ARHGAP24: variants seen among roughly 807,000 people sequenced by gnomAD.
ARHGAP24 encodes the protein Rho GTPase activating protein 24.
ARHGAP24 carries 50 observed loss-of-function variants against 76.4 expected under a neutral mutation model. The ratio of observed to expected loss-of-function variants is 0.65; its 90% CI spans 0.52 to 0.83. ARHGAP24 has a LOEUF of 0.83. Ranked by LOEUF, ARHGAP24 falls within the 40% of genes least tolerant of loss-of-function variation. ARHGAP24 has a pLI of 0.00. For missense variants in ARHGAP24, 930 were observed against 914.2 expected (o/e 1.02, Z -0.22); for synonymous variants, 345 against 323.3 (o/e 1.07, Z -0.72).
chr4:85,665,150 A>G (rs972156357), intron 2 of ARHGAP24, among the ~76,000 whole-genome samples: 1 of 151,346 alleles, frequency 6.6e-6, no homozygotes, highest in Non-Finnish European at 1.5e-5. Context: ...TGGGAGTCTA[A>G]GTTTCTTTGT....
chr4:85,786,358 C>T (rs1034654535), intron 3 of ARHGAP24, among the ~76,000 whole-genome samples: 1 of 152,178 alleles, frequency 6.6e-6, no homozygotes, highest in African/African-American at 2.4e-5. Flanking sequence ...GCAGGAATAA[C>T]ATCTTAGAAA....
chr4:85,512,194 T>C (rs1724313298), intron 1 of ARHGAP24, among the ~76,000 whole-genome samples: 1 of 152,236 alleles, frequency 6.6e-6, no homozygotes, highest in Admixed American at 6.5e-5. Flanking sequence ...GAAGTAACTA[T>C]GTGACCTTTG....
At chr4:85,900,596 T>C (rs1455117094) in intron 3 of ARHGAP24, among the ~76,000 whole-genome samples, 1 of 152,090 alleles carries the variant, frequency 6.6e-6, no homozygotes, top group African/African-American at 2.4e-5. Context: ...AGCTAATTTT[T>C]TGTATTTTTA....
chr4:85,618,986 C>T (rs1026855655), intron 2 of ARHGAP24, among the ~76,000 whole-genome samples: 4 of 151,950 alleles, frequency 2.6e-5, no homozygotes, highest in Middle Eastern at 3.2e-3. Context: ...TCACATTTGT[C>T]TATTTTAGCT....
Position 85,772,665 on chromosome 4 carries a change from G to A in ARHGAP24, c.268+50693G>A, listed in dbSNP as rs556311389. Among the ~76,000 whole-genome samples, 15 of 152,296 alleles carry A rather than the reference G, an allele frequency of 9.8e-5. No homozygotes were observed. The South Asian group carries it at 3.1e-3, about 32-fold the overall frequency. On this transcript the variant is annotated intron_variant, in intron 3 of 9. Transcript: ENST00000395184. ...ATGAAGATAATTAGATTATCAAGAG[G>A]AATTTGATGAAAGATTTGTACTTTG...
chr4:85,757,391 G>A lies in ARHGAP24; in HGVS notation c.268+35419G>A, dbSNP rs142117965. Among the ~76,000 whole-genome samples, 644 of 145,290 alleles carry A rather than the reference G, an allele frequency of 4.4e-3. 18 individuals are homozygous for A. The East Asian group carries it at 0.066, about 15-fold the overall frequency. On this transcript the variant is annotated intron_variant, in intron 3 of 9. Transcript: ENST00000395184. ...CTCCCGCAACCCCACGACAGACCCC[G>A]GTGTGTGATGTTCCCCACCCTGTGT...
intron 2 of ARHGAP24, among the ~76,000 whole-genome samples, chr4:85,641,618 A>G (rs1032161717): frequency 1.3e-5 from 2 of 152,136 alleles, no homozygotes; most frequent in African/African-American, 4.8e-5. Context: ...CCACCTTGCA[A>G]TACCTCAATC....
Position 85,974,931 on chromosome 4 carries a change from T to C in ARHGAP24, c.776T>C (p.Val259Ala), listed in dbSNP as rs1317778916. The change falls in exon 7 of 10, where the codon GTA becomes GCA. Residue 259 changes from valine to alanine, a missense_variant. Val to Ala is a moderately conservative substitution (Grantham distance 64, BLOSUM62 0). Transcript: ENST00000395184. ...AAGCAGGTGAAGAGTTTGCCAGTGG[T>C]AAATTACAACCTCCTCAAGTATATT... ...LAKQVKSLPV[V>A]NYNLLKYICR... 1 of 1,613,804 alleles carries C rather than the reference T, an allele frequency of 6.2e-7. No individual in the cohort carries two copies. Among genetic ancestry groups the C allele is most frequent in the East Asian group, 2.2e-5 (1 of 44,846 alleles).
At chr4:85,565,633 G>T (rs530628733) in intron 1 of ARHGAP24, among the ~76,000 whole-genome samples, 1 of 152,104 alleles carries the variant, frequency 6.6e-6, no homozygotes, top group African/African-American at 2.4e-5. Context: ...CATTGTGGTG[G>T]AATTGCCTGT....
At chr4:85,856,129 A>G (rs1731543408) in intron 3 of ARHGAP24, among the ~76,000 whole-genome samples, 1 of 152,194 alleles carries the variant, frequency 6.6e-6, no homozygotes, top group Admixed American at 6.5e-5. Flanking sequence ...TGATATTATC[A>G]ACCTTTCTTT....
chr4:85,989,788 C>T (rs191182525), intron 8 of ARHGAP24, among the ~76,000 whole-genome samples: 6,887 of 151,140 alleles, frequency 0.046, 551 homozygotes, highest in African/African-American at 0.16. Flanking sequence ...AAAATCATCG[C>T]GGATGCAGAT....
intron 2 of ARHGAP24, among the ~76,000 whole-genome samples, chr4:85,586,971 T>C (rs1727887745): frequency 1.3e-5 from 2 of 152,192 alleles, no homozygotes; most frequent in Admixed American, 6.6e-5. Context: ...AAATTGCTTA[T>C]ATTTTTAGCA....
chr4:85,550,313 C>T (rs1726079154), intron 1 of ARHGAP24, among the ~76,000 whole-genome samples: 1 of 152,156 alleles, frequency 6.6e-6, no homozygotes, highest in Non-Finnish European at 1.5e-5. Context: ...ATTCTTTCCC[C>T]ATTGCTTGTT....
At chr4:85,620,223 G>T (rs894211708) in intron 2 of ARHGAP24, among the ~76,000 whole-genome samples, 2 of 151,858 alleles carry the variant, frequency 1.3e-5, no homozygotes, top group Non-Finnish European at 2.9e-5. Context: ...AGAGTTTCAG[G>T]ATTGGTATTA....
chr4:85,644,066 G>A (rs558544075), intron 2 of ARHGAP24, among the ~76,000 whole-genome samples: 22 of 152,148 alleles, frequency 1.4e-4, no homozygotes, highest in Admixed American at 6.5e-4. Flanking sequence ...GGGCTCTGGA[G>A]CCATTGTTCT....
At chr4:85,567,291 G>C (rs542307380) in intron 1 of ARHGAP24, among the ~76,000 whole-genome samples, 1 of 152,274 alleles carries the variant, frequency 6.6e-6, no homozygotes, top group Admixed American at 6.5e-5. Context: ...GAGACTCCTT[G>C]GAAGGCTATT....
At chr4:85,941,860 C>G (rs1297118367) in intron 4 of ARHGAP24, among the ~76,000 whole-genome samples, 1 of 152,106 alleles carries the variant, frequency 6.6e-6, no homozygotes, top group East Asian at 1.9e-4. Flanking sequence ...GCATAGAATA[C>G]AAGAAACAGG....
intron 3 of ARHGAP24, among the ~76,000 whole-genome samples, chr4:85,874,446 C>A (rs1732709663): frequency 6.6e-6 from 1 of 152,030 alleles, no homozygotes; most frequent in African/African-American, 2.4e-5. Context: ...TCTTAAAATT[C>A]CTTAATAAGC....
chr4:85,942,066 GCATTTTTGGA>G lies in ARHGAP24; in HGVS notation c.395_404del (p.Ile132ArgfsTer34). The G allele has an allele frequency of 6.2e-7, 1 of 1,611,906 alleles. No individual in the cohort carries two copies. The highest frequency in any genetic ancestry group is 8.5e-7 in the Non-Finnish European group (1 of 1,179,486). On this transcript the variant is annotated frameshift_variant and splice_region_variant, in exon 5 of 10. Coordinates refer to ENST00000395184, the MANE Select transcript of ARHGAP24 (RefSeq NM_001025616.3). LOFTEE classifies it high-confidence loss of function. Reference sequence around the variant, plus strand: ...TTTACTGTGATCCTTTTTTTTTAAGGCATTTTTGGACAGAAACTGGAGGATACTGTTCGTT... The same window carrying G: ...TTTACTGTGATCCTTTTTTTTTAAGGCAGAAACTGGAGGATACTGTTCGTT...
Sources: allele counts gnomAD v4.1 joint callset (sites outside exome capture counted in the v4.1 genomes callset), GRCh38; gene constraint gnomAD v4.1.1; transcripts MANE v1.5; gene names NCBI Gene and HGNC (gene_info 2026-07-23, HGNC 2026-07-21).